Variants in EHMT1 observed in about 807,000 individuals in gnomAD.
EHMT1 encodes euchromatic histone lysine methyltransferase 1.
EHMT1 carries 15 observed loss-of-function variants against 147.2 expected under a neutral mutation model. That is an observed-to-expected ratio of 0.10 (90% CI 0.07 to 0.16). EHMT1 has a LOEUF of 0.16. EHMT1 is among the 10% of genes least tolerant of loss of function. The pLI is 1.00. For missense variants in EHMT1, 1,587 were observed against 1,772.4 expected, an observed-to-expected ratio of 0.90 and a Z score of 1.88; for synonymous variants, 795 against 709.6, an observed-to-expected ratio of 1.12 and a Z score of -1.91.
chr9:137,795,638 T>C (rs985083586), intron 16 of EHMT1, among the ~76,000 whole-genome samples: 2 of 152,054 alleles, frequency 1.3e-5, no homozygotes, highest in Non-Finnish European at 2.9e-5. Context: ...TGTTTGTTTG[T>C]TTGTTTTTAA....
At position 137,835,067 on chromosome 9, in the gene EHMT1, C is replaced by A; in HGVS notation, c.*114C>A. On this transcript the variant is annotated 3_prime_UTR_variant, in exon 27 of 27. Transcript: ENST00000460843. Reference sequence around the variant, plus strand: ...AAAGGGTCCTTCGGGGCTGCGCCGCCGGCTTCCTGGAGGGGTCGGAGGTGA... The same window carrying A: ...AAAGGGTCCTTCGGGGCTGCGCCGCAGGCTTCCTGGAGGGGTCGGAGGTGA... The A allele has an allele frequency of 8.0e-7, 1 of 1,247,202 alleles. No homozygotes were observed. The highest frequency in any genetic ancestry group is 1.0e-6 in the Non-Finnish European group (1 of 972,204). The allele number at this position is 1,247,202 out of a possible 1,614,324, so 77.3% of individuals were successfully genotyped here.
intron 10 of EHMT1, among the ~76,000 whole-genome samples, chr9:137,765,469 C>G (rs866120797): frequency 6.6e-6 from 1 of 152,048 alleles, no homozygotes; most frequent in Non-Finnish European, 1.5e-5. Context: ...AACACAGATC[C>G]CTTGGGCTCT....
intron 10 of EHMT1, among the ~76,000 whole-genome samples, chr9:137,772,507 C>T (rs539438514): frequency 2.6e-5 from 4 of 152,298 alleles, no homozygotes; most frequent in South Asian, 2.1e-4. Context: ...TCTGAGGCTC[C>T]GCCTCGCCAG....
intron 3 of EHMT1, among the ~76,000 whole-genome samples, chr9:137,726,683 T>C (rs946491230): frequency 2.6e-5 from 4 of 152,202 alleles, no homozygotes; most frequent in Non-Finnish European, 5.9e-5. Flanking sequence ...ACTTAGCTTT[T>C]TGAGTTTTCC....
At chr9:137,706,065 G>A (rs577133159) in intron 1 of EHMT1, among the ~76,000 whole-genome samples, 44 of 127,640 alleles carry the variant, frequency 3.4e-4, no homozygotes, top group Admixed American at 2.9e-3. Context: ...GGGGTGGGGC[G>A]TCAGCAGGGG....
chr9:137,810,404 G>A (rs1373882107), intron 18 of EHMT1, among the ~76,000 whole-genome samples: 1 of 152,250 alleles, frequency 6.6e-6, no homozygotes, highest in African/African-American at 2.4e-5. Context: ...CAGCGTGGGC[G>A]TGTTCCTCAT....
intron 2 of EHMT1, 29 bp from the exon 3 acceptor site, chr9:137,716,597 G>A: frequency 5.2e-6 from 8 of 1,538,370 alleles, no homozygotes; most frequent in Non-Finnish European, 7.0e-6. Flanking sequence ...GTGGCCTGCA[G>A]TCAGTGACAC....
rs781056803 is a variant in EHMT1, at chr9:137,634,868, ATTTTTTTTTTTT to A, written c.21+15833_21+15844del. On this transcript the variant is annotated intron_variant, in intron 1 of 26. Coordinates refer to ENST00000460843, the MANE Select transcript of EHMT1 (RefSeq NM_024757.5). Reference sequence around the variant, plus strand: ...CAGGCGCCCCCACCATGCCCAGCTAATTTTTTTTTTTTTTTTTTTTTTTTTGTATTTTTAGTA... The same window carrying A: ...CAGGCGCCCCCACCATGCCCAGCTAATTTTTTTTTTTTTGTATTTTTAGTA... 8.7e-5 allele frequency among the ~76,000 whole-genome samples: 8 copies of A among 92,078 alleles called. No individual in the cohort carries two copies. In the South Asian group the frequency reaches 1.1e-3, roughly 13 times the overall value. The allele number at this position is 92,078 out of a possible 152,430, so 60.4% of individuals were successfully genotyped here.
rs748816301 is a variant in EHMT1 at position 137,762,713 on chromosome 9, C to G, written c.1540C>G (p.Leu514Val). The G allele has an allele frequency of 3.7e-6, 6 of 1,614,130 alleles. No homozygotes were observed. The East Asian group carries it at 1.3e-4, about 36-fold the overall frequency. The stretch of plus-strand genomic sequence containing the variant: ...TCCAGATGTGCTGGAGACAGACGGC[C>G]TCCAGGAAGTGCCTCTCTGCAGCTG... ...NGPDVLETDG[L>V]QEVPLCSCRM... Residue 514 changes from leucine to valine, a missense_variant, in exon 10 of 27, where the codon CTC (leucine) becomes GTC (valine). Transcript: ENST00000460843.
At chr9:137,713,539 G>C (rs958371265) in intron 2 of EHMT1, among the ~76,000 whole-genome samples, 1 of 151,424 alleles carries the variant, frequency 6.6e-6, no homozygotes, top group African/African-American at 2.4e-5. Flanking sequence ...CCAAAGTGCT[G>C]GGATTACAGG....
chr9:137,732,855 G>A lies in EHMT1; in HGVS notation c.823+4326G>A, dbSNP rs1275697776. Among the ~76,000 whole-genome samples the A allele has an allele frequency of 6.6e-6, 1 of 152,190 alleles. No homozygotes were observed. The highest frequency in any genetic ancestry group is 1.5e-5 in the Non-Finnish European group (1 of 68,026). ...GGGGTGTTGGAGCCAGGTTATCAAAGAAAGGCTGAGATTTCTTGTCACGTC... is the reference window on the plus strand; with the variant it reads ...GGGGTGTTGGAGCCAGGTTATCAAAAAAAGGCTGAGATTTCTTGTCACGTC... On this transcript the variant is annotated intron_variant, in intron 4 of 26. Transcript: ENST00000460843. This position sits in a 1 kb window ranked among gnomAD's most constrained non-coding sequence, Gnocchi z 4.6.
Position 137,817,575 on chromosome 9 carries a change from A to G in EHMT1, c.3461+50A>G, listed in dbSNP as rs779651425. On this transcript the variant is annotated intron_variant, in intron 24 of 26. Coordinates refer to ENST00000460843, the MANE Select transcript of EHMT1 (RefSeq NM_024757.5). ...AAGCCTGGTGTCATTTCTGGGACGG[A>G]GGCCCATCTGTGTCTGTACTTCAGG... The G allele has an allele frequency of 1.9e-6, 3 of 1,608,408 alleles. No homozygotes were observed. In the South Asian group the frequency reaches 3.3e-5, roughly 18 times the overall value.
chr9:137,723,695 A>G (rs568498139), intron 3 of EHMT1, among the ~76,000 whole-genome samples: 253 of 152,350 alleles, frequency 1.7e-3, no homozygotes, highest in East Asian at 5.0e-3. Flanking sequence ...CCCAAACCCA[A>G]TTTAGTCTTG....
chr9:137,740,362 C>G (rs1393676819), intron 4 of EHMT1, among the ~76,000 whole-genome samples: 1 of 152,078 alleles, frequency 6.6e-6, no homozygotes, highest in East Asian at 1.9e-4. Context: ...TCTCCTGTGC[C>G]AGATCCCATC....
chr9:137,824,106 T>C (rs1259317972), intron 25 of EHMT1, among the ~76,000 whole-genome samples: 1 of 152,118 alleles, frequency 6.6e-6, no homozygotes, highest in Admixed American at 6.5e-5. Flanking sequence ...TTAGAAGTCT[T>C]ATGTAAAAAT....
At chr9:137,785,243 G>C (rs13283365) in intron 15 of EHMT1, 38,493 of 153,428 alleles carry the variant, frequency 0.25, 5,434 homozygotes, top group Admixed American at 0.38. Context: ...GTTCTGTTGC[G>C]GATGGACCTG....
chr9:137,784,449 G>T (rs1951802258), intron 15 of EHMT1: 1 of 1,146,532 alleles, frequency 8.7e-7, no homozygotes, highest in African/African-American at 1.6e-5. Flanking sequence ...TTTTGAATTG[G>T]TTTTATTTCG....
At chr9:137,686,026 G>A (rs1332624522) in intron 1 of EHMT1, among the ~76,000 whole-genome samples, 3 of 152,220 alleles carry the variant, frequency 2.0e-5, no homozygotes, top group Admixed American at 2.0e-4. Context: ...GGCACTCCCA[G>A]TTCAGTCTCC....
chr9:137,834,435 C>T lies in EHMT1; in HGVS notation c.3627C>T (p.Pro1209=), dbSNP rs762578639. Residue 1209 remains proline (P), a synonymous_variant, in exon 26 of 27, where the codon CCC becomes CCT. Coordinates refer to ENST00000460843, the MANE Select transcript of EHMT1 (RefSeq NM_024757.5). ...INHHCEPNLV[P]VRVFMAHQDL... ...ACCACTGCGAGCCCAACCTGGTGCC[C>T]GTGCGCGTGTTCATGGCCCACCAGG... 28 of 1,613,162 alleles carry T rather than the reference C, an allele frequency of 1.7e-5. No homozygotes were observed. Among genetic ancestry groups the T allele is most frequent in the African/African-American group, 2.7e-5 (2 of 74,928 alleles).
Sources: gnomAD v4.1 joint callset for allele counts (sites outside exome capture counted in the v4.1 genomes callset) on GRCh38, gnomAD v4.1.1 for gene constraint, Gnocchi (gnomAD v3.1) non-coding constraint, MANE v1.5 for transcripts, NCBI Gene and HGNC (gene_info 2026-07-23, HGNC 2026-07-21) for gene names.